ADGB: variants seen among roughly 807,000 people sequenced by gnomAD.
ADGB encodes the protein androglobin, also known as calpain-7-like protein.
ADGB carries 172 observed loss-of-function variants against 210.5 expected under a neutral mutation model. The ratio of observed to expected loss-of-function variants is 0.82; its 90% CI spans 0.72 to 0.93. ADGB has a LOEUF of 0.93. Ranked by LOEUF, ADGB falls within the 40% of genes least tolerant of loss-of-function variation. ADGB has a pLI of 0.00. For missense variants in ADGB, 2,025 were observed against 1,964.8 expected (o/e 1.03, Z -0.58); for synonymous variants, 658 against 662.7 (o/e 0.99, Z 0.11).
intron 19 of ADGB, 42 bp downstream of exon 19, chr6:146,726,239 A>T: frequency 7.3e-7 from 1 of 1,373,238 alleles, no homozygotes; most frequent in Non-Finnish European, 1.0e-6. Flanking sequence ...TTATTTATTT[A>T]GAGATGGAGT....
intron 1 of ADGB, among the ~76,000 whole-genome samples, chr6:146,607,703 G>T (rs1260908934): frequency 1.3e-5 from 2 of 152,064 alleles, no homozygotes; most frequent in African/African-American, 4.8e-5. Context: ...TTATTGATTT[G>T]CTTTTGTTGA....
At chr6:146,617,699 T>A (rs1780824438) in intron 1 of ADGB, among the ~76,000 whole-genome samples, 1 of 152,144 alleles carries the variant, frequency 6.6e-6, no homozygotes, top group African/African-American at 2.4e-5. Flanking sequence ...ATTGAAATAA[T>A]CATATGGTTT....
At chr6:146,715,572 A>G (rs1306425656) in intron 14 of ADGB, among the ~76,000 whole-genome samples, 157 bp downstream of exon 14, 3 of 152,140 alleles carry the variant, frequency 2.0e-5, no homozygotes, top group Non-Finnish European at 4.4e-5. Flanking sequence ...TTAAAAAAAG[A>G]GATAATTTCA....
intron 16 of ADGB, among the ~76,000 whole-genome samples, chr6:146,719,554 T>G (rs1465954263): frequency 1.3e-5 from 2 of 152,178 alleles, no homozygotes; most frequent in Non-Finnish European, 2.9e-5. Flanking sequence ...GGCCAGACAC[T>G]CCAGACCTTA....
At chr6:146,755,946 AT>A (rs1169344721) in intron 27 of ADGB, among the ~76,000 whole-genome samples, 12 of 151,902 alleles carry the variant, frequency 7.9e-5, no homozygotes, top group African/African-American at 2.7e-4. Context: ...TAATATCTGT[AT>A]TTTTTTGTTT....
chr6:146,797,781 G>A (rs191296872), intron 33 of ADGB, among the ~76,000 whole-genome samples: 39 of 152,208 alleles, frequency 2.6e-4, no homozygotes, highest in Non-Finnish European at 3.2e-4. Flanking sequence ...AGAGGAAGGT[G>A]AGGGCTAAAA....
intron 29 of ADGB, among the ~76,000 whole-genome samples, chr6:146,778,537 C>T (rs1777754800): frequency 6.6e-6 from 1 of 152,004 alleles, no homozygotes; most frequent in African/African-American, 2.4e-5. Context: ...CCTGATGTTT[C>T]TAAATCTCTA....
At chr6:146,687,313 T>C (rs985054298) in intron 10 of ADGB, among the ~76,000 whole-genome samples, 11 of 152,118 alleles carry the variant, frequency 7.2e-5, no homozygotes, top group South Asian at 4.1e-4. Context: ...TTAACCTCTT[T>C]GCATGCTACT....
intron 3 of ADGB, among the ~76,000 whole-genome samples, chr6:146,646,638 C>T (rs1263179615): frequency 2.0e-5 from 3 of 152,028 alleles, no homozygotes; most frequent in African/African-American, 7.2e-5. Flanking sequence ...GAGTCCATGA[C>T]CTGACTGGAA....
In ADGB at chr6:146,801,940, A is replaced by T. The variant is rs553184706; in HGVS notation, c.4747A>T (p.Ile1583Phe). 95 of 1,550,732 alleles carry T rather than the reference A, an allele frequency of 6.1e-5. No homozygotes were observed. The South Asian group carries it at 1.0e-3, about 17-fold the overall frequency. The change falls in exon 35 of 36, where the codon ATT (isoleucine) becomes TTT (phenylalanine). Residue 1583 changes from isoleucine to phenylalanine, a missense_variant. By Grantham distance (21) the Ile-to-Phe change is conservative. Transcript: ENST00000397944. ...ACAGCATAGGACCAGAGTCCTTAGCATTCGAAACATTGACCAAGAAGAGCG... is the reference window on the plus strand; with the variant it reads ...ACAGCATAGGACCAGAGTCCTTAGCTTTCGAAACATTGACCAAGAAGAGCG... Reference protein sequence around the residue: ...FRQHRTRVLSIRNIDQEERLK... With the variant: ...FRQHRTRVLSFRNIDQEERLK...
intron 27 of ADGB, among the ~76,000 whole-genome samples, chr6:146,760,482 T>C (rs1012293299): frequency 2.0e-5 from 3 of 151,926 alleles, no homozygotes; most frequent in Admixed American, 6.6e-5. Flanking sequence ...TGTATGGAGA[T>C]ACCACACTTT....
chr6:146,642,700 G>C (rs944652137), intron 2 of ADGB, among the ~76,000 whole-genome samples: 2 of 151,830 alleles, frequency 1.3e-5, no homozygotes, highest in African/African-American at 4.8e-5. Context: ...CTAAGTGGGA[G>C]CTAAATCATA....
chr6:146,698,585 G>C (rs1776442746), intron 12 of ADGB, among the ~76,000 whole-genome samples: 1 of 152,126 alleles, frequency 6.6e-6, no homozygotes. Context: ...GGTAGGGAGG[G>C]AGCACTGCAC....
At chr6:146,799,243 T>C (rs1381643791) in intron 33 of ADGB, among the ~76,000 whole-genome samples, 1 of 152,058 alleles carries the variant, frequency 6.6e-6, no homozygotes, top group African/African-American at 2.4e-5. Context: ...TGTCCTCTCT[T>C]ACCACTCTTT....
chr6:146,715,547 A>G, intron 14 of ADGB, 132 bp downstream of exon 14: 1 of 556,974 alleles, frequency 1.8e-6, no homozygotes, highest in Non-Finnish European at 3.1e-6. Flanking sequence ...TGCTGAGTCT[A>G]GTCTGCTCTG....
intron 35 of ADGB, 64 bp downstream of exon 35, chr6:146,802,075 T>G (rs1356452490): frequency 9.2e-7 from 1 of 1,081,994 alleles, no homozygotes; most frequent in Non-Finnish European, 1.2e-6. Context: ...TAAAAAGAAA[T>G]TATATAATTA....
intron 3 of ADGB, among the ~76,000 whole-genome samples, chr6:146,650,389 A>C (rs1562264591): frequency 1.3e-5 from 2 of 152,010 alleles, no homozygotes; most frequent in Non-Finnish European, 1.5e-5. Context: ...GAGCTTTAGA[A>C]GACTCTCCTT....
At chr6:146,600,024 T>C (rs1780529693) in intron 1 of ADGB, among the ~76,000 whole-genome samples, 1 of 152,156 alleles carries the variant, frequency 6.6e-6, no homozygotes, top group South Asian at 2.1e-4. Context: ...CACATTGGAC[T>C]GATCCCTATG....
At chr6:146,604,617 C>T (rs1780606984) in intron 1 of ADGB, among the ~76,000 whole-genome samples, 1 of 152,026 alleles carries the variant, frequency 6.6e-6, no homozygotes, top group African/African-American at 2.4e-5. Flanking sequence ...CAGAGGATAG[C>T]TTATTCTTTA....
Sources: gnomAD v4.1 joint callset for allele counts (sites outside exome capture counted in the v4.1 genomes callset) on GRCh38, gnomAD v4.1.1 for gene constraint, MANE v1.5 for transcripts, NCBI Gene and HGNC (gene_info 2026-07-23, HGNC 2026-07-21) for gene names.